Variants in POT1 observed in about 807,000 individuals in gnomAD.
The protein encoded by POT1 is protection of telomeres protein 1.
A neutral mutation model predicts 78.5 loss-of-function variants in POT1; 47 were observed. The observed-to-expected ratio is 0.60, with a 90% CI of 0.47 to 0.76. The LOEUF is 0.76. POT1 is among the 30% of genes least tolerant of loss of function. The pLI is 0.00. For missense variants in POT1, 646 were observed against 749.9 expected, an observed-to-expected ratio of 0.86 and a Z score of 1.62; for synonymous variants, 259 against 260.7, an observed-to-expected ratio of 0.99 and a Z score of 0.06.
chr7:124,909,228 A>G (rs1201752879), intron 3 of POT1, among the ~76,000 whole-genome samples: 1 of 151,936 alleles, frequency 6.6e-6, no homozygotes, highest in African/African-American at 2.4e-5. Context: ...ACTTTAAAAT[A>G]TGAAAACTAA....
intron 6 of POT1, among the ~76,000 whole-genome samples, chr7:124,889,866 C>T (rs1796328808): frequency 6.6e-6 from 1 of 151,996 alleles, no homozygotes; most frequent in Non-Finnish European, 1.5e-5. Flanking sequence ...CCTAGTCACA[C>T]AAGAGCTCTG....
chr7:124,844,313 G>T (rs1795107101), intron 12 of POT1, among the ~76,000 whole-genome samples: 1 of 151,254 alleles, frequency 6.6e-6, no homozygotes, highest in Admixed American at 6.6e-5. Context: ...ACTTCTAGTA[G>T]AAACGGGGTT....
At chr7:124,921,308 T>C (rs1368664511) in intron 2 of POT1, among the ~76,000 whole-genome samples, 4 of 152,104 alleles carry the variant, frequency 2.6e-5, no homozygotes, top group Non-Finnish European at 5.9e-5. Flanking sequence ...CATAGCACTT[T>C]ATTAATAAAT....
At chr7:124,889,451 A>G (rs1796317372) in intron 6 of POT1, among the ~76,000 whole-genome samples, 1 of 152,040 alleles carries the variant, frequency 6.6e-6, no homozygotes, top group Non-Finnish European at 1.5e-5. Context: ...AGATGGAGCA[A>G]GTTATCCAGA....
chr7:124,827,408 T>C, intron 16 of POT1, 103 bp from the exon 17 acceptor site: 1 of 520,302 alleles, frequency 1.9e-6, no homozygotes, highest in Non-Finnish European at 3.1e-6. Context: ...AAATTTTATT[T>C]ACTAAAATAA....
intron 11 of POT1, among the ~76,000 whole-genome samples, chr7:124,850,594 T>G (rs1224974111): frequency 1.3e-5 from 2 of 151,770 alleles, no homozygotes; most frequent in Non-Finnish European, 2.9e-5. Context: ...TAGCCGGGTG[T>G]GGTGGCGGGT....
chr7:124,894,932 A>G (rs893170291), intron 5 of POT1, among the ~76,000 whole-genome samples: 1 of 151,740 alleles, frequency 6.6e-6, no homozygotes, highest in African/African-American at 2.4e-5. Context: ...CAGGGATCTG[A>G]AAATAGTTTC....
intron 16 of POT1, among the ~76,000 whole-genome samples, chr7:124,828,033 AAAATAAATAAAAAT>A (rs1433308433): frequency 6.6e-6 from 1 of 152,148 alleles, no homozygotes; most frequent in African/African-American, 2.4e-5. Context: ...GCTCTGTCTC[AAAATAAATAAAAAT>A]AAATAAATAA....
chr7:124,849,190 T>A (rs1247295964), intron 11 of POT1, among the ~76,000 whole-genome samples: 1 of 152,256 alleles, frequency 6.6e-6, no homozygotes, highest in African/African-American at 2.4e-5. Context: ...TTTCAATAAA[T>A]CTAATTTAGT....
chr7:124,874,950 A>C (rs1030159454), intron 6 of POT1, among the ~76,000 whole-genome samples: 8 of 152,094 alleles, frequency 5.3e-5, no homozygotes, highest in African/African-American at 1.9e-4. Context: ...GGAACCAAAA[A>C]AAAACCCTAA....
intron 15 of POT1, among the ~76,000 whole-genome samples, chr7:124,834,752 C>T (rs1391823568): frequency 6.6e-6 from 1 of 151,976 alleles, no homozygotes; most frequent in Non-Finnish European, 1.5e-5. Context: ...GGGTATATAC[C>T]CAAAGGATTA....
intron 2 of POT1, among the ~76,000 whole-genome samples, chr7:124,918,681 C>T (rs953954388): frequency 6.6e-6 from 1 of 152,156 alleles, no homozygotes; most frequent in African/African-American, 2.4e-5. Flanking sequence ...TGAGAGACTT[C>T]CAGAGAGACT....
chr7:124,883,577 C>T (rs2116605599), intron 6 of POT1, among the ~76,000 whole-genome samples: 1 of 152,006 alleles, frequency 6.6e-6, no homozygotes, highest in Non-Finnish European at 1.5e-5. Flanking sequence ...AAGAGGACAA[C>T]CTTACGGTTC....
At chr7:124,851,767 A>C in intron 11 of POT1, 105 bp downstream of exon 11, 1 of 852,122 alleles carries the variant, frequency 1.2e-6, no homozygotes, top group Admixed American at 2.3e-5. Context: ...TACTACATGA[A>C]ATTATTAATA....
At chr7:124,912,841 G>A (rs1430894538) in intron 3 of POT1, among the ~76,000 whole-genome samples, 3 of 152,070 alleles carry the variant, frequency 2.0e-5, no homozygotes, top group African/African-American at 7.2e-5. Context: ...CCAACAGAGG[G>A]CCACAGCCTC....
At chr7:124,886,931 C>A (rs1322196382) in intron 6 of POT1, among the ~76,000 whole-genome samples, 2 of 151,758 alleles carry the variant, frequency 1.3e-5, no homozygotes, top group Non-Finnish European at 2.9e-5. Context: ...ATTTGCAGAT[C>A]AACTTGTTAA....
chr7:124,829,091 T>C, intron 16 of POT1, 163 bp downstream of exon 16: 1 of 762,728 alleles, frequency 1.3e-6, no homozygotes, highest in South Asian at 1.4e-5. Flanking sequence ...AAAGGAAGGC[T>C]TGGCAGATAT....
intron 2 of POT1, among the ~76,000 whole-genome samples, chr7:124,926,248 C>T (rs544584810): frequency 6.6e-6 from 1 of 151,902 alleles, no homozygotes; most frequent in South Asian, 2.1e-4. Context: ...AACCAAAAAA[C>T]CCCCAAATAA....
At chr7:124,913,507 T>G (rs746093124) in intron 3 of POT1, among the ~76,000 whole-genome samples, 3 of 152,184 alleles carry the variant, frequency 2.0e-5, no homozygotes, top group Non-Finnish European at 4.4e-5. Context: ...AATTTTTCCT[T>G]CATTGCTCAT....
Sources: allele counts gnomAD v4.1 joint callset (sites outside exome capture counted in the v4.1 genomes callset), GRCh38; gene constraint gnomAD v4.1.1; transcripts MANE v1.5; gene names NCBI Gene and HGNC (gene_info 2026-07-23, HGNC 2026-07-21).